Variants in BEST4 observed in about 807,000 individuals in gnomAD.
BEST4 encodes bestrophin 4.
A neutral mutation model predicts 47.1 loss-of-function variants in BEST4; 36 were observed. That is an observed-to-expected ratio of 0.76 (90% CI 0.59 to 1.01). The LOEUF is 1.01. BEST4 is among the 50% of genes least tolerant of loss of function. The pLI is 0.00. For synonymous variants in BEST4, 250 were observed against 277.8 expected, an observed-to-expected ratio of 0.90 and a Z score of 1.00; for missense variants, 550 against 648.6, an observed-to-expected ratio of 0.85 and a Z score of 1.65.
Position 44,785,586 on chromosome 1 carries a change from G to A in BEST4, c.714+13C>T. Reference sequence around the variant, plus strand: ...CAGTAGGCACTGGGACTCGGGAGGGGAGAGGCAGTTACTTGGGTGTAGACG... The same window carrying A: ...CAGTAGGCACTGGGACTCGGGAGGGAAGAGGCAGTTACTTGGGTGTAGACG... On this transcript the variant is annotated intron_variant, in intron 5 of 8. Coordinates refer to ENST00000372207, the MANE Select transcript of BEST4 (RefSeq NM_153274.3). 6.5e-7 allele frequency: 1 copy of A among 1,547,196 alleles called. No individual in the cohort carries two copies. The highest frequency in any genetic ancestry group is 8.7e-7 in the Non-Finnish European group (1 of 1,142,860).
upstream of BEST4, among the ~76,000 whole-genome samples, chr1:44,789,593 G>A (rs1459617679): frequency 2.0e-5 from 3 of 152,030 alleles, no homozygotes; most frequent in Non-Finnish European, 2.9e-5. Flanking sequence ...AGCTACTCCG[G>A]AGGCTGAGAC....
At chr1:44,785,956 G>A (rs1651201962) in intron 4 of BEST4, 118 bp downstream of exon 4, 2 of 1,294,376 alleles carry the variant, frequency 1.5e-6, no homozygotes, top group Admixed American at 4.7e-5. Flanking sequence ...TGGGTACAGG[G>A]CTTCCAAAAG....
intron 5 of BEST4, 53 bp downstream of exon 5, chr1:44,785,546 A>C (rs1448719366): frequency 6.3e-5 from 93 of 1,466,420 alleles, no homozygotes; most frequent in Non-Finnish European, 8.2e-5. Context: ...CATCTCACAC[A>C]CAGCACAGGA....
chr1:44,787,983 G>A lies in BEST4; in HGVS notation c.-278C>T, dbSNP rs1430287669. On this transcript the variant is annotated 5_prime_UTR_variant, in exon 1 of 9. Coordinates refer to ENST00000372207, the MANE Select transcript of BEST4 (RefSeq NM_153274.3). Reference sequence around the variant, plus strand: ...TCCTCAAGCTCCTCTTCAGCCTGCAGGGCTAGGGATAACCAGATCCTGAAC... The same window carrying A: ...TCCTCAAGCTCCTCTTCAGCCTGCAAGGCTAGGGATAACCAGATCCTGAAC... Among the ~76,000 whole-genome samples the A allele has an allele frequency of 6.6e-6, 1 of 152,222 alleles. No individual in the cohort carries two copies. Among genetic ancestry groups the A allele is most frequent in the Non-Finnish European group, 1.5e-5 (1 of 68,042 alleles).
At chr1:44,792,717 CCT>C (rs1312074081), upstream of BEST4, among the ~76,000 whole-genome samples, 1 of 152,090 alleles carries the variant, frequency 6.6e-6, no homozygotes, top group African/African-American at 2.4e-5. Context: ...CCTCCGTTGG[CCT>C]CTGTGACCTG....
In BEST4 at chr1:44,784,407, T is replaced by A. The variant is rs1239793374; in HGVS notation, c.1225A>T (p.Thr409Ser). The stretch of plus-strand genomic sequence containing the variant: ...CCCAGGAAGCGGCCGAGCAACGGGG[T>A]CTGCGCGGCGGGCGCGGGCCGACCA... ...GSGRPAPAAQTPLLGRFLGVG... is the reference protein window; with the variant it reads ...GSGRPAPAAQSPLLGRFLGVG... Residue 409 changes from threonine (T) to serine (S), a missense_variant, in exon 9 of 9, where the codon ACC becomes TCC. This residue lies in a region of BEST4 where 255 missense variants were observed against 286.6 expected (regional missense o/e 0.89). Transcript: ENST00000372207. This position sits in a 1 kb window ranked among gnomAD's most constrained non-coding sequence, Gnocchi z 6.2. 1 of 1,412,566 alleles carries A rather than the reference T, an allele frequency of 7.1e-7. No homozygotes were observed. Among genetic ancestry groups the A allele is most frequent in the Admixed American group, 3.2e-5 (1 of 31,478 alleles). 87.5% of individuals were successfully genotyped at this position (1,412,566 alleles called of 1,614,324 possible). A position where few individuals can be genotyped will look rare whatever the true frequency, so the allele number is the denominator to read the frequency against.
intron 6 of BEST4, 48 bp from the exon 7 acceptor site, chr1:44,785,033 T>A (rs1416454542): frequency 1.9e-6 from 3 of 1,611,858 alleles, no homozygotes; most frequent in Non-Finnish European, 2.5e-6. Context: ...CCCCACTCTT[T>A]TTCCCCAAAG....
chr1:44,787,346 C>G (rs2148848835), intron 2 of BEST4, 26 bp downstream of exon 2: 1 of 1,612,006 alleles, frequency 6.2e-7, no homozygotes, highest in East Asian at 2.2e-5. Context: ...AAGGGGGACA[C>G]AGGGAAAACT....
At chr1:44,782,601 G>C (rs1250605154), downstream of BEST4, among the ~76,000 whole-genome samples, 4 of 151,952 alleles carry the variant, frequency 2.6e-5, no homozygotes, top group African/African-American at 9.7e-5. Flanking sequence ...TTGCACTCCA[G>C]CCTGGGTGAC....
At chr1:44,785,414 C>G in intron 5 of BEST4, 109 bp from the exon 6 acceptor site, 1 of 1,308,668 alleles carries the variant, frequency 7.6e-7, no homozygotes, top group Non-Finnish European at 1.0e-6. Context: ...AAACATGTAT[C>G]CTGGTGTGGC....
upstream of BEST4, among the ~76,000 whole-genome samples, chr1:44,791,019 C>G (rs1383559688): frequency 3.9e-5 from 6 of 152,146 alleles, no homozygotes; most frequent in African/African-American, 1.4e-4. Context: ...TTCTTGCCTC[C>G]CTCCACCCCC....
chr1:44,784,672 C>T lies in BEST4; in HGVS notation c.1105G>A (p.Glu369Lys). 1.9e-6 allele frequency: 3 copies of T among 1,613,260 alleles called. No individual in the cohort carries two copies. The highest frequency in any genetic ancestry group is 2.5e-6 in the Non-Finnish European group (3 of 1,179,784). The change falls in exon 8 of 9, where the codon GAG becomes AAG. Residue 369 changes from glutamate to lysine, a missense_variant. This residue lies in a region of BEST4 where 255 missense variants were observed against 286.6 expected (regional missense o/e 0.89). Coordinates refer to ENST00000372207, the MANE Select transcript of BEST4 (RefSeq NM_153274.3). The surrounding 1 kb of genome is among the most constrained non-coding windows in gnomAD (Gnocchi z 6.2). ...CCCAGGAATGAGGGCCGCAGAGACT[C>T]GGCCGCCGTGGCCACAGTGTAGGGT... Reference protein sequence around the residue: ...QPPYTVATAAESLRPSFLGST... With the variant: ...QPPYTVATAAKSLRPSFLGST...
intron 5 of BEST4, 60 bp downstream of exon 5, chr1:44,785,537 ATC>A: frequency 6.9e-7 from 1 of 1,444,426 alleles, no homozygotes; most frequent in Non-Finnish European, 9.5e-7. Flanking sequence ...AATTCTTCTC[ATC>A]TCACACACAG....
Position 44,785,499 on chromosome 1 carries a change from C to T in BEST4, c.714+100G>A, listed in dbSNP as rs1317961369. ...AGGATGAACCCGGTGCCTCAGGGGA[C>T]TGAAATGGCCAGGCAAGTACCATCG... On this transcript the variant is annotated intron_variant, in intron 5 of 8. Coordinates refer to ENST00000372207, the MANE Select transcript of BEST4 (RefSeq NM_153274.3). 3.8e-6 allele frequency: 5 copies of T among 1,305,042 alleles called. No individual in the cohort carries two copies. The East Asian group carries it at 1.3e-4, about 33-fold the overall frequency. 80.8% of individuals were successfully genotyped at this position (1,305,042 alleles called of 1,614,324 possible).
At chr1:44,789,365 A>T (rs1359903200), upstream of BEST4, among the ~76,000 whole-genome samples, 1 of 144,876 alleles carries the variant, frequency 6.9e-6, no homozygotes, top group African/African-American at 2.6e-5. Flanking sequence ...GTGCCACTGC[A>T]CTTCAGCTTG....
chr1:44,786,211 C>A lies in BEST4; in HGVS notation c.499G>T (p.Glu167Ter). 1 of 1,613,278 alleles carries A rather than the reference C, an allele frequency of 6.2e-7. No individual in the cohort carries two copies. The highest frequency in any genetic ancestry group is 8.5e-7 in the Non-Finnish European group (1 of 1,179,640). Residue 167 changes from glutamate (E) to a stop codon, truncating the protein, a stop_gained, in exon 4 of 9, where the codon GAG becomes TAG. Coordinates refer to ENST00000372207, the MANE Select transcript of BEST4 (RefSeq NM_153274.3). LOFTEE classifies it high-confidence loss of function. The surrounding 1 kb of genome is among the most constrained non-coding windows in gnomAD (Gnocchi z 4.9). Reference protein sequence around the residue: ...VVDAGFMSQEERKKFESLKSD... With the variant: ...VVDAGFMSQE ...TTCAGGCTCTCAAACTTTTTCCTCTCTTCCTGGGACATGAAACCTGAGGGG... is the reference window on the plus strand; with the variant it reads ...TTCAGGCTCTCAAACTTTTTCCTCTATTCCTGGGACATGAAACCTGAGGGG...
chr1:44,787,433 A>C lies in BEST4; in HGVS notation c.186T>G (p.Tyr62Ter). The C allele has an allele frequency of 6.2e-7, 1 of 1,614,156 alleles. No individual in the cohort carries two copies. Among genetic ancestry groups the C allele is most frequent in the Non-Finnish European group, 8.5e-7 (1 of 1,180,014 alleles). The change falls in exon 2 of 9, where the codon TAT (tyrosine) becomes TAG (stop). Residue 62 changes from tyrosine (Y) to a stop codon, truncating the protein, a stop_gained. Coordinates refer to ENST00000372207, the MANE Select transcript of BEST4 (RefSeq NM_153274.3). LOFTEE classifies it high-confidence loss of function. Reference sequence around the variant, plus strand: ...GGTTGCAGTACCGGGCCACCTGAGCATACACGTACCTCTGCTCCTGGGTCA... The same window carrying C: ...GGTTGCAGTACCGGGCCACCTGAGCCTACACGTACCTCTGCTCCTGGGTCA... ...LLLTQEQRYV[Y>*]AQVARYCNRS...
chr1:44,792,578 T>C (rs1259753799), upstream of BEST4, among the ~76,000 whole-genome samples: 2 of 152,058 alleles, frequency 1.3e-5, no homozygotes, highest in Non-Finnish European at 2.9e-5. Flanking sequence ...TCAGCACATC[T>C]CTTATTTCAG....
upstream of BEST4, among the ~76,000 whole-genome samples, chr1:44,791,232 ATGTGTG>A (rs35156965): frequency 6.8e-6 from 1 of 147,054 alleles, no homozygotes; most frequent in Non-Finnish European, 1.5e-5. Context: ...GAGAGAGAGT[ATGTGTG>A]TGTGTGTGTG....
Sources: allele counts gnomAD v4.1 joint callset (sites outside exome capture counted in the v4.1 genomes callset), GRCh38; gene constraint gnomAD v4.1.1; regional missense constraint gnomAD v4.1.1; non-coding constraint Gnocchi (gnomAD v3.1); transcripts MANE v1.5; gene names NCBI Gene and HGNC (gene_info 2026-07-23, HGNC 2026-07-21).